LEKR1: variants seen among roughly 807,000 people sequenced by gnomAD.
LEKR1 encodes the protein leucine, glutamate and lysine rich 1.
A neutral mutation model predicts 72.4 loss-of-function variants in LEKR1; 59 were observed. That is an observed-to-expected ratio of 0.82 (90% CI 0.66 to 1.01). LEKR1 has a LOEUF of 1.01. Among genes scored for constraint, LEKR1 ranks in the 50% least tolerant of loss-of-function variants. LEKR1 has a pLI of 0.00. For synonymous variants in LEKR1, 257 were observed against 263.2 expected (o/e 0.98, Z 0.23); for missense variants, 728 against 759.2 (o/e 0.96, Z 0.48).
intron 2 of LEKR1, among the ~76,000 whole-genome samples, chr3:156,842,483 A>AG (rs1321147303): frequency 1.3e-5 from 2 of 151,988 alleles, no homozygotes; most frequent in Non-Finnish European, 2.9e-5. Flanking sequence ...ATCAGGGAAG[A>AG]GAAGGTGAGA....
intron 9 of LEKR1, among the ~76,000 whole-genome samples, chr3:157,002,549 C>T (rs1732096632): frequency 6.6e-6 from 1 of 152,126 alleles, no homozygotes; most frequent in African/African-American, 2.4e-5. Flanking sequence ...GTGCATATAA[C>T]ATCACGTATA....
chr3:156,829,656 C>T (rs1464480723), intron 2 of LEKR1, among the ~76,000 whole-genome samples: 1 of 152,112 alleles, frequency 6.6e-6, no homozygotes, highest in Non-Finnish European at 1.5e-5. Flanking sequence ...CAGAAACGTC[C>T]ATGTGTGTTT....
chr3:157,028,394 C>T lies in LEKR1; in HGVS notation c.1660C>T (p.Gln554Ter). 5.7e-6 allele frequency: 9 copies of T among 1,590,762 alleles called. No homozygotes were observed. Among genetic ancestry groups the T allele is most frequent in the Non-Finnish European group, 7.7e-6 (9 of 1,168,806 alleles). Reference sequence around the variant, plus strand: ...ACTGATAGAGCAATTTAACCAGTCCCAGGAAGAGGTAGGAAGCAGATAGTG... The same window carrying T: ...ACTGATAGAGCAATTTAACCAGTCCTAGGAAGAGGTAGGAAGCAGATAGTG... Reference protein sequence around the residue: ...TQLIEQFNQSQEENTFLQETV... With the variant: ...TQLIEQFNQS The change falls in exon 12 of 13, where the codon CAG becomes TAG. Residue 554 changes from glutamine (Q) to a stop codon, truncating the protein, a stop_gained. Transcript: ENST00000356539. LOFTEE classifies it low-confidence loss of function (END_TRUNC).
intron 10 of LEKR1, 79 bp from the exon 11 acceptor site, chr3:157,024,681 C>G: frequency 9.7e-7 from 1 of 1,029,686 alleles, no homozygotes; most frequent in South Asian, 1.6e-5. Flanking sequence ...CATTTTAAAA[C>G]TTAGAGTTTG....
chr3:157,034,680 G>A (rs1189109998), intron 12 of LEKR1, among the ~76,000 whole-genome samples: 1 of 152,218 alleles, frequency 6.6e-6, no homozygotes, highest in Non-Finnish European at 1.5e-5. Context: ...GGGTTTGAGA[G>A]GATTGACTCC....
chr3:156,877,494 T>A (rs1214448166), intron 3 of LEKR1, among the ~76,000 whole-genome samples: 3 of 152,134 alleles, frequency 2.0e-5, no homozygotes, highest in Non-Finnish European at 4.4e-5. Context: ...TTAGTCTCAC[T>A]GCTTGTTATT....
At chr3:157,017,433 T>A (rs1733434089) in intron 10 of LEKR1, 1 of 152,306 alleles carries the variant, frequency 6.6e-6, no homozygotes, top group East Asian at 1.9e-4. Flanking sequence ...GGTGTCCCCA[T>A]CCTCCCTTAC....
intron 10 of LEKR1, among the ~76,000 whole-genome samples, chr3:157,019,249 A>G (rs1560150812): frequency 6.6e-6 from 1 of 152,186 alleles, no homozygotes; most frequent in Non-Finnish European, 1.5e-5. Flanking sequence ...GTTTGGCTCC[A>G]TGTTCAATAA....
intron 6 of LEKR1, among the ~76,000 whole-genome samples, chr3:156,944,656 A>T (rs962101676): frequency 2.0e-5 from 3 of 151,764 alleles, no homozygotes; most frequent in African/African-American, 7.2e-5. Flanking sequence ...GTTTCTACAA[A>T]TAAATATGCA....
chr3:156,974,245 A>G (rs1729500655), intron 6 of LEKR1, among the ~76,000 whole-genome samples: 1 of 152,186 alleles, frequency 6.6e-6, no homozygotes, highest in South Asian at 2.1e-4. Context: ...CTCAAAAAAC[A>G]TAATATTGAC....
intron 10 of LEKR1, among the ~76,000 whole-genome samples, chr3:157,023,055 T>C (rs927430632): frequency 3.3e-5 from 5 of 152,160 alleles, no homozygotes; most frequent in African/African-American, 9.7e-5. Context: ...TTAACTTTCT[T>C]AGCAATATTT....
At chr3:156,975,008 A>G (rs1296819863) in intron 6 of LEKR1, among the ~76,000 whole-genome samples, 1 of 152,170 alleles carries the variant, frequency 6.6e-6, no homozygotes, top group Non-Finnish European at 1.5e-5. Flanking sequence ...ATAATAGCTA[A>G]CATGTGCGTG....
intron 6 of LEKR1, among the ~76,000 whole-genome samples, chr3:156,960,574 C>T (rs956897283): frequency 2.0e-5 from 3 of 152,186 alleles, no homozygotes; most frequent in South Asian, 2.1e-4. Flanking sequence ...GCGTGAGCCA[C>T]CATGCCTGGC....
intron 3 of LEKR1, among the ~76,000 whole-genome samples, chr3:156,862,512 G>C (rs62275171): frequency 0.032 from 4,837 of 152,116 alleles, 116 homozygotes; most frequent in Non-Finnish European, 0.047. Flanking sequence ...GACGGAGAAA[G>C]AGCTGCTTCA....
chr3:156,991,677 TA>T (rs1731154790), intron 7 of LEKR1, among the ~76,000 whole-genome samples: 1 of 152,182 alleles, frequency 6.6e-6, no homozygotes, highest in African/African-American at 2.4e-5. Context: ...TGGTTCTTTT[TA>T]ATGGTTTTTA....
intron 5 of LEKR1, among the ~76,000 whole-genome samples, chr3:156,931,942 T>C (rs1443433768): frequency 6.6e-6 from 1 of 152,148 alleles, no homozygotes; most frequent in African/African-American, 2.4e-5. Flanking sequence ...ACTCATCTAT[T>C]GGTGCACTTG....
At chr3:156,946,421 A>T (rs1726682794) in intron 6 of LEKR1, among the ~76,000 whole-genome samples, 2 of 151,560 alleles carry the variant, frequency 1.3e-5, no homozygotes, top group South Asian at 2.1e-4. Context: ...TCCAATTTGG[A>T]TGCCTTTTAT....
chr3:156,853,979 A>G (rs1384114492), intron 3 of LEKR1, among the ~76,000 whole-genome samples: 1 of 152,066 alleles, frequency 6.6e-6, no homozygotes, highest in African/African-American at 2.4e-5. Flanking sequence ...ACATAAACAC[A>G]TGAAGTAAAA....
chr3:156,827,809 C>T (rs1051735960), intron 1 of LEKR1, among the ~76,000 whole-genome samples: 3 of 152,196 alleles, frequency 2.0e-5, no homozygotes, highest in African/African-American at 7.2e-5. Context: ...AAAAACTGTT[C>T]TACTGGTGCT....
Sources: allele counts gnomAD v4.1 joint callset (sites outside exome capture counted in the v4.1 genomes callset), GRCh38; gene constraint gnomAD v4.1.1; transcripts MANE v1.5; gene names NCBI Gene and HGNC (gene_info 2026-07-23, HGNC 2026-07-21).